PRICKLE2: variants seen among roughly 807,000 people sequenced by gnomAD.
PRICKLE2 encodes the protein prickle planar cell polarity protein 2.
Under a neutral mutation model 81.4 loss-of-function variants are expected in PRICKLE2, and 21 were observed. That is an observed-to-expected ratio of 0.26 (90% CI 0.18 to 0.37). The LOEUF is 0.37. PRICKLE2 is among the 10% of genes least tolerant of loss of function. PRICKLE2 has a pLI of 1.00. For synonymous variants in PRICKLE2, 456 were observed against 421.5 expected (o/e 1.08, Z -1.00); for missense variants, 940 against 1,109.0 (o/e 0.85, Z 2.16).
chr3:64,198,936 C>G lies in PRICKLE2; in HGVS notation c.-9G>C. 1 of 1,614,144 alleles carries G rather than the reference C, an allele frequency of 6.2e-7. No individual in the cohort carries two copies. Among genetic ancestry groups the G allele is most frequent in the Non-Finnish European group, 8.5e-7 (1 of 1,180,038 alleles). On this transcript the variant is annotated 5_prime_UTR_variant, in exon 2 of 8. Coordinates refer to ENST00000638394, the MANE Select transcript of PRICKLE2 (RefSeq NM_198859.4). ...GGCATCACTGTCACCATGTGCTCCT[C>G]CTGGGGACACTTGCAGTGCAGGCAG...
chr3:64,211,126 C>A (rs2107135742), intron 1 of PRICKLE2, among the ~76,000 whole-genome samples: 1 of 152,272 alleles, frequency 6.6e-6, no homozygotes, highest in Non-Finnish European at 1.5e-5. Flanking sequence ...TGGTTGAAGA[C>A]CACTCCTTGG....
At chr3:64,151,682 G>A in intron 6 of PRICKLE2, among the ~76,000 whole-genome samples, 1 of 152,298 alleles carries the variant, frequency 6.6e-6, no homozygotes, top group South Asian at 2.1e-4. Context: ...GCAATACTGA[G>A]TCAAGACATT....
chr3:64,115,475 A>G (rs1014697393), intron 7 of PRICKLE2, among the ~76,000 whole-genome samples: 5 of 152,208 alleles, frequency 3.3e-5, no homozygotes, highest in African/African-American at 1.2e-4. Context: ...GCAGACACAC[A>G]CAGGCTCAAA....
At chr3:64,251,929 T>C (rs1450764177) in intron 2 of PRICKLE2, among the ~76,000 whole-genome samples, 11 of 152,220 alleles carry the variant, frequency 7.2e-5, no homozygotes, top group Non-Finnish European at 1.5e-5. Context: ...TCAGTGCATA[T>C]GGGACATAAA....
chr3:64,099,508 G>C lies in PRICKLE2; in HGVS notation c.2078C>G (p.Ser693Cys), dbSNP rs922368735. The change falls in exon 8 of 8, where the codon TCT becomes TGT. Residue 693 changes from serine (S) to cysteine (C), a missense_variant. Transcript: ENST00000638394. This position sits in a 1 kb window ranked among gnomAD's most constrained non-coding sequence, Gnocchi z 4.3. The stretch of plus-strand genomic sequence containing the variant: ...CAGGTGGAGGGCGTTGTCGGAGCGA[G>C]AGCGTCGGGAACGCCTGGACCTGTG... ...RPHRSRRSRR[S>C]RSDNALHLAS... The C allele has an allele frequency of 1.3e-6, 2 of 1,599,590 alleles. No individual in the cohort carries two copies. The highest frequency in any genetic ancestry group is 1.1e-5 in the South Asian group (1 of 90,374).
chr3:64,193,036 T>C (rs1341460011), intron 2 of PRICKLE2, among the ~76,000 whole-genome samples: 1 of 152,154 alleles, frequency 6.6e-6, no homozygotes, highest in Admixed American at 6.5e-5. Context: ...AGTTATGATC[T>C]TCCTGGAGAG....
intron 2 of PRICKLE2, among the ~76,000 whole-genome samples, chr3:64,256,161 C>A (rs2079521270): frequency 6.6e-6 from 1 of 152,138 alleles, no homozygotes; most frequent in Admixed American, 6.5e-5. Context: ...AAGGCTCAGC[C>A]AGAATGTAAA....
At chr3:64,187,651 G>C (rs1025969476) in intron 2 of PRICKLE2, 2 of 152,238 alleles carry the variant, frequency 1.3e-5, no homozygotes, top group Admixed American at 6.5e-5. Flanking sequence ...AGGGCTATTA[G>C]ATTGTGCATT....
chr3:64,142,759 A>G (rs2077383629), intron 7 of PRICKLE2, among the ~76,000 whole-genome samples: 2 of 152,238 alleles, frequency 1.3e-5, no homozygotes, highest in South Asian at 4.1e-4. Flanking sequence ...GGTAACCATT[A>G]TAGAAGGTCA....
At chr3:64,243,261 T>C (rs1362347730) in intron 2 of PRICKLE2, among the ~76,000 whole-genome samples, 2 of 152,218 alleles carry the variant, frequency 1.3e-5, no homozygotes, top group Non-Finnish European at 2.9e-5. Context: ...AACCTTGACA[T>C]TATAGACAAT....
At chr3:64,191,038 C>T (rs153727) in intron 2 of PRICKLE2, among the ~76,000 whole-genome samples, 152,259 of 152,270 alleles carry the variant, frequency 1, 76,124 homozygotes, top group Middle Eastern at 1. Context: ...ACAGGCTCCA[C>T]AGAGCCAGAG....
In PRICKLE2 at chr3:64,097,112, T is replaced by C. The variant is rs1575527895; in HGVS notation, c.*1939A>G. 1 of 152,608 alleles carries C rather than the reference T, an allele frequency of 6.6e-6. No individual in the cohort carries two copies. The highest frequency in any genetic ancestry group is 2.1e-4 in the South Asian group (1 of 4,830). 9.5% of individuals were successfully genotyped at this position (152,608 alleles called of 1,614,324 possible). A position where few individuals can be genotyped will look rare whatever the true frequency, so the allele number is the denominator to read the frequency against. Reference sequence around the variant, plus strand: ...GGATAATTAATGAAGCATTTAGATATGAAGATAGCATGCGGAAAACAGCCA... The same window carrying C: ...GGATAATTAATGAAGCATTTAGATACGAAGATAGCATGCGGAAAACAGCCA... On this transcript the variant is annotated 3_prime_UTR_variant, in exon 8 of 8. Transcript: ENST00000638394.
rs1022199041 is a variant in PRICKLE2, at chr3:64,095,276, T to C, written c.*3775A>G. On this transcript the variant is annotated 3_prime_UTR_variant, in exon 8 of 8. Transcript: ENST00000638394. Reference sequence around the variant, plus strand: ...TGGGATGGGGGAGGGGCAGGTGAATTGGAGTCTCCGAATTACTTATACATA... The same window carrying C: ...TGGGATGGGGGAGGGGCAGGTGAATCGGAGTCTCCGAATTACTTATACATA... The C allele has an allele frequency of 1.9e-4, 29 of 152,154 alleles. No homozygotes were observed. Among genetic ancestry groups the C allele is most frequent in the African/African-American group, 6.5e-4 (27 of 41,444 alleles). The allele number at this position is 152,154 out of a possible 1,614,324, so 9.4% of individuals were successfully genotyped here. A position where few individuals can be genotyped will look rare whatever the true frequency, so the allele number is the denominator to read the frequency against.
chr3:64,266,510 C>G (rs539873413), intron 2 of PRICKLE2, among the ~76,000 whole-genome samples: 2 of 152,052 alleles, frequency 1.3e-5, no homozygotes, highest in East Asian at 3.9e-4. Context: ...CTTTTTGGCC[C>G]CATGGGAAGA....
intron 2 of PRICKLE2, among the ~76,000 whole-genome samples, chr3:64,248,350 G>A (rs1458740261): frequency 2.6e-5 from 4 of 152,154 alleles, no homozygotes; most frequent in Non-Finnish European, 5.9e-5. Context: ...TCAACTCAAA[G>A]GGAAATTGAC....
At chr3:64,216,624 A>G (rs2078875123) in intron 1 of PRICKLE2, among the ~76,000 whole-genome samples, 1 of 152,220 alleles carries the variant, frequency 6.6e-6, no homozygotes, top group African/African-American at 2.4e-5. Flanking sequence ...AAGCATTACA[A>G]GGGCAAACAA....
chr3:64,132,434 G>C (rs902821535), intron 7 of PRICKLE2, among the ~76,000 whole-genome samples: 1 of 152,034 alleles, frequency 6.6e-6, no homozygotes, highest in African/African-American at 2.4e-5. Flanking sequence ...TTCTACCTAA[G>C]GCCTCAGTTT....
chr3:64,119,952 G>C lies in PRICKLE2; in HGVS notation c.1661-20027C>G, dbSNP rs185312299. 2.0e-4 allele frequency among the ~76,000 whole-genome samples: 30 copies of C among 152,204 alleles called. No individual in the cohort carries two copies. In the East Asian group the frequency reaches 4.4e-3, roughly 23 times the overall value. The stretch of plus-strand genomic sequence containing the variant: ...GCCATTTTCCCAAGTGAATTAAGGT[G>C]GGAACAAAAAACGAATTACCACATG... On this transcript the variant is annotated intron_variant, in intron 7 of 7. Transcript: ENST00000638394.
chr3:64,155,178 A>G (rs1420201616), intron 5 of PRICKLE2: 1 of 144,132 alleles, frequency 6.9e-6, no homozygotes, highest in Non-Finnish European at 1.5e-5. Flanking sequence ...AAAGGGAAAA[A>G]TAACCCAATT....
Sources: allele counts gnomAD v4.1 joint callset (sites outside exome capture counted in the v4.1 genomes callset), GRCh38; gene constraint gnomAD v4.1.1; non-coding constraint Gnocchi (gnomAD v3.1); transcripts MANE v1.5; gene names NCBI Gene and HGNC (gene_info 2026-07-23, HGNC 2026-07-21).